The following TACR1 variants were observed in gnomAD, a reference collection of about 807,000 sequenced individuals.
TACR1 encodes tachykinin receptor 1.
In TACR1, 25 loss-of-function variants were observed where a neutral mutation model predicts 35.8. The ratio of observed to expected loss-of-function variants is 0.70; its 90% CI spans 0.51 to 0.98. The LOEUF (loss-of-function observed/expected upper bound fraction) is 0.98, where lower values mean the gene tolerates loss of function less well. Among genes scored for constraint, TACR1 ranks in the 50% least tolerant of loss-of-function variants. TACR1 has a pLI of 0.00. For synonymous variants in TACR1, 195 were observed against 206.7 expected (o/e 0.94, Z 0.48); for missense variants, 478 against 522.9 (o/e 0.91, Z 0.84).
chr2:75,061,811 C>T (rs1029868546), intron 2 of TACR1, among the ~76,000 whole-genome samples: 5 of 152,198 alleles, frequency 3.3e-5, no homozygotes, highest in African/African-American at 1.2e-4. Context: ...GGCAGCTCCT[C>T]AGAGGGAAGG....
At chr2:75,070,558 G>A (rs759367461) in intron 2 of TACR1, among the ~76,000 whole-genome samples, 11 of 152,098 alleles carry the variant, frequency 7.2e-5, no homozygotes, top group Non-Finnish European at 1.5e-4. Context: ...AGCAGACCTC[G>A]AACCAGACCC....
chr2:75,153,840 T>G (rs1674731448), intron 1 of TACR1, among the ~76,000 whole-genome samples: 1 of 152,202 alleles, frequency 6.6e-6, no homozygotes, highest in African/African-American at 2.4e-5. Context: ...CTCTTCCTAT[T>G]CAAGCTAATT....
chr2:75,056,133 C>T (rs1055109752), intron 2 of TACR1, among the ~76,000 whole-genome samples: 1 of 152,138 alleles, frequency 6.6e-6, no homozygotes, highest in African/African-American at 2.4e-5. Context: ...TATTGGGACT[C>T]CATTGTTGTC....
chr2:75,135,456 C>T (rs907104421), intron 1 of TACR1, among the ~76,000 whole-genome samples: 22 of 152,292 alleles, frequency 1.4e-4, no homozygotes, highest in African/African-American at 4.8e-4. Context: ...CAGTGCCTAG[C>T]TGAAACCCAG....
intron 2 of TACR1, among the ~76,000 whole-genome samples, chr2:75,062,208 T>C (rs67154726): frequency 0.043 from 6,583 of 152,162 alleles, 408 homozygotes; most frequent in African/African-American, 0.14. Flanking sequence ...GAGCTTTTCT[T>C]ACCTCTTTCT....
intron 2 of TACR1, chr2:75,118,689 G>C (rs571319895): frequency 6.6e-6 from 1 of 152,278 alleles, no homozygotes; most frequent in East Asian, 1.9e-4. Context: ...AAAGAACTAT[G>C]AGTATTTTGA....
At chr2:75,109,909 A>G (rs530268257) in intron 2 of TACR1, among the ~76,000 whole-genome samples, 1 of 152,216 alleles carries the variant, frequency 6.6e-6, no homozygotes, top group Admixed American at 6.5e-5. Context: ...TAACTCTGAA[A>G]GGAGAGCAGA....
chr2:75,147,168 C>G (rs560557873), intron 1 of TACR1, among the ~76,000 whole-genome samples: 2 of 152,312 alleles, frequency 1.3e-5, no homozygotes, highest in African/African-American at 4.8e-5. Flanking sequence ...AAATAAACAC[C>G]ATGTTCCTTC....
At chr2:75,090,336 C>T (rs1673284240) in intron 2 of TACR1, among the ~76,000 whole-genome samples, 1 of 152,206 alleles carries the variant, frequency 6.6e-6, no homozygotes, top group Non-Finnish European at 1.5e-5. Context: ...AAGACTGGTT[C>T]AGGCCATGAA....
chr2:75,146,052 G>A (rs879429827), intron 1 of TACR1, among the ~76,000 whole-genome samples: 26 of 152,174 alleles, frequency 1.7e-4, no homozygotes, highest in Admixed American at 2.6e-4. Context: ...GACAGAGCGG[G>A]CAGTAAAGGA....
At chr2:75,177,260 C>T (rs897868322) in intron 1 of TACR1, among the ~76,000 whole-genome samples, 3 of 152,154 alleles carry the variant, frequency 2.0e-5, no homozygotes, top group Admixed American at 1.3e-4. Context: ...TTCGTTGGAC[C>T]TTTTCACCCC....
intron 2 of TACR1, among the ~76,000 whole-genome samples, chr2:75,084,155 G>A (rs1016919057): frequency 1.3e-5 from 2 of 152,086 alleles, no homozygotes; most frequent in Non-Finnish European, 2.9e-5. Context: ...GAATTTTGTT[G>A]AAGGCCTTTT....
At chr2:75,115,906 C>CAA (rs1158476632) in intron 2 of TACR1, among the ~76,000 whole-genome samples, 24,474 of 53,760 alleles carry the variant, frequency 0.46, 6,465 homozygotes, top group Non-Finnish European at 0.51. Context: ...GACTCCGTCT[C>CAA]AAAAAAAAAA....
intron 1 of TACR1, among the ~76,000 whole-genome samples, chr2:75,123,422 T>C: frequency 6.6e-6 from 1 of 152,200 alleles, no homozygotes; most frequent in African/African-American, 2.4e-5. Context: ...CAGAATCTAA[T>C]GTGACTGGGC....
At chr2:75,171,178 G>T (rs1410722571) in intron 1 of TACR1, among the ~76,000 whole-genome samples, 4 of 152,218 alleles carry the variant, frequency 2.6e-5, no homozygotes, top group Non-Finnish European at 4.4e-5. Context: ...GCTGCTTTGT[G>T]CAGTCTCTGG....
intron 2 of TACR1, among the ~76,000 whole-genome samples, chr2:75,084,562 T>G (rs1673156023): frequency 1.3e-5 from 2 of 152,166 alleles, no homozygotes. Context: ...GGTCCTGGAC[T>G]TTTTTTGGTT....
intron 2 of TACR1, among the ~76,000 whole-genome samples, chr2:75,076,616 C>T (rs983813998): frequency 6.6e-6 from 1 of 152,096 alleles, no homozygotes; most frequent in Non-Finnish European, 1.5e-5. Flanking sequence ...TAATTTCAAA[C>T]GCAGCATAAA....
chr2:75,198,511 G>A lies in TACR1; in HGVS notation c.389+35C>T, dbSNP rs1388118986. The A allele has an allele frequency of 3.7e-6, 6 of 1,600,800 alleles. No individual in the cohort carries two copies. The South Asian group carries it at 6.6e-5, about 18-fold the overall frequency. ...ACAGCAATGCCGTGGTCCTCTATGAGCACTTTCTCGCCTTTTCACAAAGGC... is the reference window on the plus strand; with the variant it reads ...ACAGCAATGCCGTGGTCCTCTATGAACACTTTCTCGCCTTTTCACAAAGGC... On this transcript the variant is annotated intron_variant, in intron 1 of 4. Coordinates refer to ENST00000305249, the MANE Select transcript of TACR1 (RefSeq NM_001058.4).
intron 1 of TACR1, among the ~76,000 whole-genome samples, chr2:75,168,204 T>C (rs1675191038): frequency 6.6e-6 from 1 of 152,198 alleles, no homozygotes; most frequent in African/African-American, 2.4e-5. Flanking sequence ...TTAAACGAGC[T>C]ATGACCATAT....
Sources: allele counts gnomAD v4.1 joint callset (sites outside exome capture counted in the v4.1 genomes callset), GRCh38; gene constraint gnomAD v4.1.1; transcripts MANE v1.5; gene names NCBI Gene and HGNC (gene_info 2026-07-23, HGNC 2026-07-21).